AUTS2: variants seen among roughly 807,000 people sequenced by gnomAD.
The protein encoded by AUTS2 is activator of transcription and developmental regulator AUTS2.
AUTS2 carries 17 observed loss-of-function variants against 112.4 expected under a neutral mutation model. That is an observed-to-expected ratio of 0.15 (90% CI 0.10 to 0.23). The LOEUF (loss-of-function observed/expected upper bound fraction) is 0.23, where lower values mean the gene tolerates loss of function less well. Ranked by LOEUF, AUTS2 falls within the 10% of genes least tolerant of loss-of-function variation. The pLI, the probability that AUTS2 is intolerant of heterozygous loss-of-function variation, is 1.00. For synonymous variants in AUTS2, 751 were observed against 702.7 expected (o/e 1.07, Z -1.09); for missense variants, 1,510 against 1,701.6 (o/e 0.89, Z 1.98).
At chr7:70,705,711 G>A (rs556812717) in intron 6 of AUTS2, among the ~76,000 whole-genome samples, 2 of 152,250 alleles carry the variant, frequency 1.3e-5, no homozygotes, top group South Asian at 4.2e-4. Context: ...GCACTCTGAG[G>A]CCTGATTGTA....
chr7:70,239,996 C>T (rs929158891), intron 4 of AUTS2, among the ~76,000 whole-genome samples: 1 of 152,130 alleles, frequency 6.6e-6, no homozygotes, highest in Non-Finnish European at 1.5e-5. Flanking sequence ...GGATCAGTGA[C>T]TCACTGAATA....
intron 1 of AUTS2, among the ~76,000 whole-genome samples, chr7:69,876,198 C>T (rs1346882657): frequency 6.7e-6 from 1 of 149,714 alleles, no homozygotes; most frequent in Non-Finnish European, 1.5e-5. Flanking sequence ...AACCCCGTCT[C>T]TACTAAAAAT....
rs202099756 is a variant in AUTS2 at position 69,926,429 on chromosome 7, ATCTGTCTG to A, written c.522+26943_522+26950del. Among the ~76,000 whole-genome samples, 7 of 139,544 alleles carry A rather than the reference ATCTGTCTG, an allele frequency of 5.0e-5. No homozygotes were observed. In the East Asian group the frequency reaches 6.3e-4, roughly 13 times the overall value. 91.5% of individuals were successfully genotyped at this position (139,544 alleles called of 152,430 possible). A position where few individuals can be genotyped will look rare whatever the true frequency, so the allele number is the denominator to read the frequency against. On this transcript the variant is annotated intron_variant, in intron 2 of 18. Coordinates refer to ENST00000342771, the MANE Select transcript of AUTS2 (RefSeq NM_015570.4). ...GGTAATAGTCTTTGCTCTGAAATCT[ATCTGTCTG>A]TCTGTCTGTCTATCTATCTATCTAT... is the stretch of plus-strand genomic sequence containing the variant.
At chr7:70,492,508 C>T (rs146872906) in intron 5 of AUTS2, among the ~76,000 whole-genome samples, 105 of 152,326 alleles carry the variant, frequency 6.9e-4, no homozygotes, top group African/African-American at 2.1e-3. Flanking sequence ...CACATGCATT[C>T]TCTTACTGTA....
At chr7:70,779,973 C>A (rs1790959229) in intron 14 of AUTS2, among the ~76,000 whole-genome samples, 1 of 151,730 alleles carries the variant, frequency 6.6e-6, no homozygotes, top group African/African-American at 2.4e-5. Context: ...TATGATTGTG[C>A]CACTGCATTT....
chr7:69,922,662 A>G (rs1482117676), intron 2 of AUTS2, among the ~76,000 whole-genome samples: 1 of 152,236 alleles, frequency 6.6e-6, no homozygotes, highest in Admixed American at 6.5e-5. Flanking sequence ...TCTGTACACC[A>G]GAAAGAATGC....
At chr7:70,303,444 A>ACACACG (rs1789335652) in intron 4 of AUTS2, among the ~76,000 whole-genome samples, 1 of 144,912 alleles carries the variant, frequency 6.9e-6, no homozygotes, top group African/African-American at 2.8e-5. Context: ...GCACATACAC[A>ACACACG]CACACACACA....
intron 1 of AUTS2, among the ~76,000 whole-genome samples, chr7:69,874,411 T>A (rs543268250): frequency 2.6e-5 from 4 of 152,170 alleles, no homozygotes; most frequent in Non-Finnish European, 5.9e-5. Flanking sequence ...AAATTGATTA[T>A]TGGATAGCCA....
chr7:69,729,528 A>G (rs1033313708), intron 1 of AUTS2, among the ~76,000 whole-genome samples: 1 of 149,356 alleles, frequency 6.7e-6, no homozygotes, highest in African/African-American at 2.5e-5. Flanking sequence ...GCTTAACATT[A>G]AAAAAGCCAT....
chr7:69,860,438 G>A (rs1203423005), intron 1 of AUTS2, among the ~76,000 whole-genome samples: 1 of 152,104 alleles, frequency 6.6e-6, no homozygotes, highest in Non-Finnish European at 1.5e-5. Flanking sequence ...TCTTATGTGT[G>A]TGTCCTTTCA....
chr7:70,466,985 A>T (rs1249094899), intron 5 of AUTS2, among the ~76,000 whole-genome samples: 1 of 152,184 alleles, frequency 6.6e-6, no homozygotes, highest in African/African-American at 2.4e-5. Context: ...AAAGGAGCTA[A>T]ATTCTTCTTG....
At chr7:69,727,075 C>T (rs1207907376) in intron 1 of AUTS2, among the ~76,000 whole-genome samples, 1 of 152,082 alleles carries the variant, frequency 6.6e-6, no homozygotes, top group Non-Finnish European at 1.5e-5. Context: ...TGTATCCTCA[C>T]TAAGAAATCT....
chr7:70,321,661 GA>G (rs1218773882), intron 4 of AUTS2, among the ~76,000 whole-genome samples: 1 of 152,132 alleles, frequency 6.6e-6, no homozygotes, highest in Non-Finnish European at 1.5e-5. Flanking sequence ...TTCTAAGTTA[GA>G]AAATTTATAG....
rs1258050685 is a variant in AUTS2 at position 69,678,347 on chromosome 7, A to G, written c.309+78385A>G. Among the ~76,000 whole-genome samples the G allele has an allele frequency of 2.0e-5, 3 of 152,146 alleles. No homozygotes were observed. The East Asian group carries it at 5.8e-4, about 29-fold the overall frequency. ...ATCTGAAGTTATCCCTTCACTGTCT[A>G]CAGCCTCTTGAATTGACTTCTGGGT... On this transcript the variant is annotated intron_variant, in intron 1 of 18. Coordinates refer to ENST00000342771, the MANE Select transcript of AUTS2 (RefSeq NM_015570.4).
At chr7:70,302,518 C>T (rs529523852) in intron 4 of AUTS2, among the ~76,000 whole-genome samples, 37 of 152,210 alleles carry the variant, frequency 2.4e-4, no homozygotes, top group African/African-American at 8.2e-4. Flanking sequence ...ATACCAATTA[C>T]TGCTTGCTTA....
At chr7:69,801,965 A>C (rs893947431) in intron 1 of AUTS2, among the ~76,000 whole-genome samples, 4 of 152,018 alleles carry the variant, frequency 2.6e-5, no homozygotes, top group South Asian at 4.2e-4. Flanking sequence ...TGAGAAGGCA[A>C]CTCTTGAGTA....
intron 1 of AUTS2, among the ~76,000 whole-genome samples, chr7:69,857,867 C>T (rs1401642981): frequency 1.3e-5 from 2 of 151,922 alleles, no homozygotes; most frequent in Admixed American, 1.3e-4. Context: ...ACCTGTGTGC[C>T]AAAAGGATTT....
chr7:69,761,514 A>T (rs917851239), intron 1 of AUTS2, among the ~76,000 whole-genome samples: 1 of 152,038 alleles, frequency 6.6e-6, no homozygotes, highest in Non-Finnish European at 1.5e-5. Context: ...TTGTGAGATC[A>T]TCTTTCTGTG....
chr7:70,763,710 A>G (rs1270479941), intron 7 of AUTS2, among the ~76,000 whole-genome samples: 1 of 152,176 alleles, frequency 6.6e-6, no homozygotes, highest in East Asian at 1.9e-4. Flanking sequence ...GATCCTTTCA[A>G]GAGAGGCTCT....
Sources: allele counts gnomAD v4.1 joint callset (sites outside exome capture counted in the v4.1 genomes callset), GRCh38; gene constraint gnomAD v4.1.1; transcripts MANE v1.5; gene names NCBI Gene and HGNC (gene_info 2026-07-23, HGNC 2026-07-21).